ZNF273: variants seen among roughly 807,000 people sequenced by gnomAD.
The protein encoded by ZNF273 is zinc finger protein 9.
A neutral mutation model predicts 14.9 loss-of-function variants in ZNF273; 11 were observed. That is an observed-to-expected ratio of 0.74 (90% CI 0.46 to 1.22). The LOEUF (loss-of-function observed/expected upper bound fraction) is 1.22. Ranked by LOEUF, ZNF273 falls within the 50% of genes most tolerant of loss-of-function variation. ZNF273 has a pLI of 0.00. For missense variants in ZNF273, 577 were observed against 660.6 expected (o/e 0.87, Z 1.39); for synonymous variants, 199 against 223.9 (o/e 0.89, Z 0.99).
intron 1 of ZNF273, among the ~76,000 whole-genome samples, chr7:64,904,680 A>G (rs1235686481): frequency 6.6e-6 from 1 of 152,186 alleles, no homozygotes; most frequent in East Asian, 1.9e-4. Context: ...CTGTATTTTA[A>G]TTAATCATTT....
chr7:64,907,059 G>A (rs746704745), intron 1 of ZNF273, among the ~76,000 whole-genome samples: 2 of 152,194 alleles, frequency 1.3e-5, no homozygotes, highest in Non-Finnish European at 2.9e-5. Context: ...TTCAGACTGA[G>A]GGTAGCTCAA....
upstream of ZNF273, among the ~76,000 whole-genome samples, chr7:64,901,708 T>C (rs1459574797): frequency 1.3e-5 from 2 of 152,156 alleles, no homozygotes; most frequent in Non-Finnish European, 2.9e-5. Context: ...CCCAGCACTT[T>C]GGGAGGCCGA....
chr7:64,931,974 ATG>A (rs1168259091), downstream of ZNF273, among the ~76,000 whole-genome samples: 2 of 152,088 alleles, frequency 1.3e-5, no homozygotes, highest in Admixed American at 6.5e-5. Flanking sequence ...TATTCCAACA[ATG>A]TGTGCATCAC....
At chr7:64,917,075 T>G (rs1794060336) in intron 1 of ZNF273, 1 of 1,286,060 alleles carries the variant, frequency 7.8e-7, no homozygotes, top group African/African-American at 1.5e-5. Context: ...TTACTGGATG[T>G]TTGACAAAAT....
chr7:64,897,712 C>CT (rs34696878), exon 4 of ZNF273: 48,147 of 121,426 alleles, frequency 0.4, 10,666 homozygotes, highest in South Asian at 0.5. Context: ...TTGTTGATTT[C>CT]TTTTTTTTTT....
At chr7:64,879,480 A>G (rs1791194367) in exon 3 of ZNF273, 1 of 152,164 alleles carries the variant, frequency 6.6e-6, no homozygotes, top group Non-Finnish European at 1.5e-5. Context: ...AGCCTCTGAG[A>G]CACTTTCTCA....
At chr7:64,936,080 A>G in the ZNF273 span, among the ~76,000 whole-genome samples, 2 of 152,222 alleles carry the variant, frequency 1.3e-5, no homozygotes, top group African/African-American at 4.8e-5. Context: ...AGGGTTTCCA[A>G]GGCAATACAA....
chr7:64,905,245 A>G (rs1326442540), intron 1 of ZNF273, among the ~76,000 whole-genome samples: 1 of 150,222 alleles, frequency 6.7e-6, no homozygotes, highest in African/African-American at 2.5e-5. Context: ...CCTACCAAGT[A>G]GCTGGGATTA....
chr7:64,879,092 T>TA (rs1417352024), intron 2 of ZNF273, among the ~76,000 whole-genome samples: 1 of 152,264 alleles, frequency 6.6e-6, no homozygotes, highest in Non-Finnish European at 1.5e-5. Context: ...CCTGGTAATC[T>TA]AGGCTGTGTT....
At chr7:64,894,671 C>CAT (rs1326847025), downstream of ZNF273, among the ~76,000 whole-genome samples, 1 of 146,718 alleles carries the variant, frequency 6.8e-6, no homozygotes, top group Non-Finnish European at 1.5e-5. Flanking sequence ...CTGAATTTGT[C>CAT]ATACTATATA....
chr7:64,883,211 A>ACCCCCCC (rs1234349552), downstream of ZNF273, among the ~76,000 whole-genome samples: 5 of 97,604 alleles, frequency 5.1e-5, no homozygotes, highest in East Asian at 6.0e-4. Flanking sequence ...AGCCCAAATC[A>ACCCCCCC]CCACCCCCCC....
At position 64,928,253 on chromosome 7, in the gene ZNF273, A is replaced by T. The variant is rs771298250; in HGVS notation, c.925A>T (p.Lys309Ter). ...FSVFSVLTKH[K>*]IIHTGTKPYN... ...TGTATTTTCAGTCCTTACTAAACAT[A>T]AGATAATTCATACAGGAACAAAACC... Residue 309 changes from lysine (K) to a stop codon, truncating the protein, a stop_gained, in exon 4 of 4, where the codon AAG (lysine) becomes TAG (stop). Coordinates refer to ENST00000476120, the MANE Select transcript of ZNF273 (RefSeq NM_021148.3). LOFTEE classifies it low-confidence loss of function (END_TRUNC). 7 of 1,612,896 alleles carry T rather than the reference A, an allele frequency of 4.3e-6. No individual in the cohort carries two copies. The highest frequency in any genetic ancestry group is 5.9e-6 in the Non-Finnish European group (7 of 1,179,586).
downstream of ZNF273, chr7:64,882,512 C>A (rs1207866575): frequency 1.3e-5 from 2 of 152,282 alleles, no homozygotes; most frequent in African/African-American, 4.8e-5. Flanking sequence ...AGTGGCGGGG[C>A]ACAAGGCGCC....
At chr7:64,900,979 A>C (rs927207735), upstream of ZNF273, among the ~76,000 whole-genome samples, 1 of 151,436 alleles carries the variant, frequency 6.6e-6, no homozygotes, top group Non-Finnish European at 1.5e-5. Context: ...GCATGAGCCA[A>C]GGCACCAAGC....
intron 3 of ZNF273, among the ~76,000 whole-genome samples, chr7:64,921,919 A>C (rs1794493772): frequency 6.6e-6 from 1 of 151,956 alleles, no homozygotes; most frequent in Admixed American, 6.6e-5. Context: ...GAGAGCTACC[A>C]TGCCCAGCCA....
chr7:64,882,941 T>C (rs963949531), downstream of ZNF273, among the ~76,000 whole-genome samples: 3 of 152,150 alleles, frequency 2.0e-5, no homozygotes, highest in Non-Finnish European at 1.5e-5. Flanking sequence ...GTGTTGCGAG[T>C]GTTGGCTGCC....
At chr7:64,898,967 A>T (rs1425908500), upstream of ZNF273, among the ~76,000 whole-genome samples, 1 of 152,314 alleles carries the variant, frequency 6.6e-6, no homozygotes, top group East Asian at 1.9e-4. Flanking sequence ...TTGTTAACTT[A>T]CTCTAAATTG....
At chr7:64,883,222 C>CCCCA (rs1562946623), downstream of ZNF273, among the ~76,000 whole-genome samples, 3 of 136,736 alleles carry the variant, frequency 2.2e-5, 1 homozygote, top group Admixed American at 2.2e-4. Context: ...CCACCCCCCC[C>CCCCA]TCACCAAGCA....
At chr7:64,918,317 AACAGATGAC>A (rs1202624835) in intron 3 of ZNF273, 25 bp downstream of exon 3, 2 of 1,526,754 alleles carry the variant, frequency 1.3e-6, no homozygotes, top group South Asian at 1.1e-5. Flanking sequence ...TAGCGAATAT[AACAGATGAC>A]ACAGATGACA....
Sources: gnomAD v4.1 joint callset for allele counts (sites outside exome capture counted in the v4.1 genomes callset) on GRCh38, gnomAD v4.1.1 for gene constraint, MANE v1.5 for transcripts, NCBI Gene and HGNC (gene_info 2026-07-23, HGNC 2026-07-21) for gene names.